Variants in CDC42BPB observed in about 807,000 individuals in gnomAD.
CDC42BPB encodes serine/threonine-protein kinase MRCK beta.
Under a neutral mutation model 214.9 loss-of-function variants are expected in CDC42BPB, and 37 were observed. The observed-to-expected ratio is 0.17, with a 90% CI of 0.13 to 0.23. The LOEUF is 0.23. Among genes scored for constraint, CDC42BPB ranks in the 10% least tolerant of loss-of-function variants. CDC42BPB has a pLI of 1.00. For synonymous variants in CDC42BPB, 931 were observed against 884.0 expected, an observed-to-expected ratio of 1.05 and a Z score of -0.94; for missense variants, 1,694 against 2,227.0, an observed-to-expected ratio of 0.76 and a Z score of 4.82.
At chr14:102,973,502 C>T (rs1455605005) in intron 12 of CDC42BPB, among the ~76,000 whole-genome samples, 1 of 152,230 alleles carries the variant, frequency 6.6e-6, no homozygotes, top group South Asian at 2.1e-4. Flanking sequence ...AGGGTCTCTG[C>T]TGCAGTTCCC....
chr14:103,057,052 C>T lies in CDC42BPB; in HGVS notation c.122G>A (p.Cys41Tyr). The T allele has an allele frequency of 6.6e-7, 1 of 1,520,386 alleles. No individual in the cohort carries two copies. Among genetic ancestry groups the T allele is most frequent in the Non-Finnish European group, 8.8e-7 (1 of 1,139,214 alleles). The allele number at this position is 1,520,386 out of a possible 1,614,324, so 94.2% of individuals were successfully genotyped here. A position where few individuals can be genotyped will look rare whatever the true frequency, so the allele number is the denominator to read the frequency against. ...GTCGCGGCGCAGGGCCGAGTGGCTG[C>T]ACTCGGTGTACAGGCAGACGAGCAC... ...LDVLVCLYTE[C>Y]SHSALRRDKY... is the part of the protein sequence containing the mutation. Residue 41 changes from cysteine (C) to tyrosine (Y), a missense_variant, in exon 1 of 37, where the codon TGC becomes TAC. Physicochemically the swap from Cys to Tyr is radical, Grantham distance 194. Transcript: ENST00000361246.
intron 20 of CDC42BPB, among the ~76,000 whole-genome samples, chr14:102,961,334 C>CT (rs933569051): frequency 1.5e-3 from 218 of 145,720 alleles, no homozygotes; most frequent in Middle Eastern, 0.011. Context: ...TGAAAACCAC[C>CT]TTTTTTTTTT....
intron 1 of CDC42BPB, among the ~76,000 whole-genome samples, chr14:103,043,162 T>C (rs1184904150): frequency 6.6e-6 from 1 of 152,108 alleles, no homozygotes; most frequent in Non-Finnish European, 1.5e-5. Context: ...GAGAATCGCT[T>C]GAACCCAAGA....
intron 36 of CDC42BPB, 194 bp from the exon 37 acceptor site, chr14:102,934,037 A>G (rs1566834348): frequency 7.4e-7 from 1 of 1,351,236 alleles, no homozygotes; most frequent in Non-Finnish European, 9.4e-7. Flanking sequence ...TCACAAATTG[A>G]TGTCTAATCC....
At chr14:102,941,071 G>T in intron 30 of CDC42BPB, 1 of 952,846 alleles carries the variant, frequency 1.0e-6, no homozygotes, top group Non-Finnish European at 1.2e-6. Context: ...GTTTAGAAGA[G>T]CAGTGACACA....
intron 1 of CDC42BPB, among the ~76,000 whole-genome samples, chr14:103,020,977 G>A (rs757792658): frequency 6.6e-6 from 1 of 152,180 alleles, no homozygotes; most frequent in South Asian, 2.1e-4. Flanking sequence ...CAGGAATCAC[G>A]AGTCTGAGAA....
intron 12 of CDC42BPB, among the ~76,000 whole-genome samples, chr14:102,973,369 T>C (rs1280079319): frequency 6.6e-6 from 1 of 152,248 alleles, no homozygotes; most frequent in Non-Finnish European, 1.5e-5. Context: ...GAATGTATTT[T>C]AGAAAACACG....
At position 102,968,633 on chromosome 14, in the gene CDC42BPB, T is replaced by A. The variant is rs772927977; in HGVS notation, c.2079A>T (p.Lys693Asn). 3 of 1,614,252 alleles carry A rather than the reference T, an allele frequency of 1.9e-6. No individual in the cohort carries two copies. Among genetic ancestry groups the A allele is most frequent in the Non-Finnish European group, 2.5e-6 (3 of 1,180,048 alleles). The change falls in exon 15 of 37, where the codon AAA (lysine) becomes AAT (asparagine). Residue 693 changes from lysine (K) to asparagine (N), a missense_variant. This residue lies in a region of CDC42BPB where 462 missense variants were observed against 513.5 expected (regional missense o/e 0.90). Coordinates refer to ENST00000361246, the MANE Select transcript of CDC42BPB (RefSeq NM_006035.4). ...CCAATTCCTCTTCATAAAATAAGAC[T>A]TTCTTCTCCAGCTCGGATTTGATTT... ...ISKIKSELEKKVLFYEEELVR... is the reference protein window; with the variant it reads ...ISKIKSELEKNVLFYEEELVR...
intron 6 of CDC42BPB, chr14:102,983,969 C>T (rs1894123297): frequency 4.6e-6 from 4 of 860,660 alleles, no homozygotes; most frequent in South Asian, 5.3e-5. Context: ...GCCGGAGAAC[C>T]GCTTGAGCCC....
intron 1 of CDC42BPB, chr14:103,041,651 C>T (rs1328309072): frequency 6.3e-6 from 4 of 631,576 alleles, no homozygotes; most frequent in South Asian, 3.8e-5. Context: ...TGGTGCCGCA[C>T]AGTGCGAAAT....
intron 6 of CDC42BPB, chr14:102,984,068 T>C (rs1894127638): frequency 6.2e-6 from 1 of 161,808 alleles, no homozygotes; most frequent in African/African-American, 2.4e-5. Context: ...TAATGCAAAA[T>C]TCAATGCAAA....
chr14:102,967,860 C>T (rs1893287274), intron 16 of CDC42BPB, among the ~76,000 whole-genome samples: 1 of 152,154 alleles, frequency 6.6e-6, no homozygotes, highest in Non-Finnish European at 1.5e-5. Context: ...CTTTGGGAGG[C>T]TGAGGTGGGT....
intron 4 of CDC42BPB, among the ~76,000 whole-genome samples, chr14:103,003,361 G>A (rs756930545): frequency 6.6e-6 from 1 of 152,216 alleles, no homozygotes; most frequent in South Asian, 2.1e-4. Flanking sequence ...CCGTGGAGGC[G>A]AACACGCTTG....
chr14:103,008,367 G>C (rs1260039683), intron 3 of CDC42BPB, 105 bp downstream of exon 3: 1 of 760,662 alleles, frequency 1.3e-6, no homozygotes, highest in African/African-American at 1.7e-5. Context: ...GGGGCAGGGA[G>C]GCCCAGGGCT....
At position 102,948,032 on chromosome 14, in the gene CDC42BPB, C is replaced by T. The variant is rs542952679; in HGVS notation, c.3450-230G>A. ...TGCCGCAAGGGAAACCCCGGAGCCT[C>T]ATCCCCACTGTGCTGGTGCCTCCAG... On this transcript the variant is annotated intron_variant, in intron 26 of 36. Transcript: ENST00000361246. The T allele has an allele frequency of 6.5e-6, 6 of 923,366 alleles. No homozygotes were observed. In the South Asian group the frequency reaches 2.5e-4, roughly 39 times the overall value. 57.2% of individuals were successfully genotyped at this position (923,366 alleles called of 1,614,324 possible). A position where few individuals can be genotyped will look rare whatever the true frequency, so the allele number is the denominator to read the frequency against.
At chr14:103,009,405 C>G (rs1341798402) in intron 2 of CDC42BPB, among the ~76,000 whole-genome samples, 1 of 152,164 alleles carries the variant, frequency 6.6e-6, no homozygotes, top group Non-Finnish European at 1.5e-5. Context: ...CGGGGGATTT[C>G]TAAAATCCAT....
At chr14:103,036,166 T>A (rs1198760821) in intron 1 of CDC42BPB, among the ~76,000 whole-genome samples, 3 of 150,742 alleles carry the variant, frequency 2.0e-5, no homozygotes, top group Non-Finnish European at 4.4e-5. Flanking sequence ...TTTTTTTTTT[T>A]TTTTGAGTGG....
intron 5 of CDC42BPB, among the ~76,000 whole-genome samples, chr14:102,988,403 T>C (rs1466121896): frequency 6.7e-6 from 1 of 150,168 alleles, no homozygotes; most frequent in Admixed American, 6.6e-5. Flanking sequence ...GCCCATAAGA[T>C]TAAAAAAAAG....
intron 1 of CDC42BPB, among the ~76,000 whole-genome samples, 161 bp downstream of exon 1, chr14:103,056,838 C>T (rs1773159098): frequency 6.6e-6 from 1 of 151,428 alleles, no homozygotes; most frequent in African/African-American, 2.4e-5. Flanking sequence ...GGGCTGCGGG[C>T]CTGGGGGCGC....
Sources: allele counts gnomAD v4.1 joint callset (sites outside exome capture counted in the v4.1 genomes callset), GRCh38; gene constraint gnomAD v4.1.1; regional missense constraint gnomAD v4.1.1; transcripts MANE v1.5; gene names NCBI Gene and HGNC (gene_info 2026-07-23, HGNC 2026-07-21).